Variants in FCHO2 observed in about 807,000 individuals in gnomAD.
The protein encoded by FCHO2 is FCH and mu domain containing endocytic adaptor 2.
Under a neutral mutation model 114.1 loss-of-function variants are expected in FCHO2, and 43 were observed. The observed-to-expected ratio is 0.38, with a 90% CI of 0.30 to 0.49. FCHO2 has a LOEUF of 0.49. FCHO2 is among the 20% of genes least tolerant of loss of function. The pLI is 0.97. For synonymous variants in FCHO2, 293 were observed against 315.2 expected, an observed-to-expected ratio of 0.93 and a Z score of 0.75; for missense variants, 807 against 950.4, an observed-to-expected ratio of 0.85 and a Z score of 1.98.
intron 8 of FCHO2, among the ~76,000 whole-genome samples, chr5:73,026,435 A>C (rs1380054074): frequency 6.6e-6 from 1 of 151,762 alleles, no homozygotes; most frequent in Non-Finnish European, 1.5e-5. Context: ...GCATCATTGC[A>C]CTCCAGCCTG....
rs1743426232 is a variant in FCHO2, at chr5:73,089,706, T to G, written c.*1616T>G. On this transcript the variant is annotated 3_prime_UTR_variant, in exon 26 of 26. Transcript: ENST00000430046. The stretch of plus-strand genomic sequence containing the variant: ...TAATTTATATAAAACCACTAATTGT[T>G]CCGTTAAGCTTCACAGAAAATAAAA... 1 of 152,544 alleles carries G rather than the reference T, an allele frequency of 6.6e-6. No individual in the cohort carries two copies. Among genetic ancestry groups the G allele is most frequent in the South Asian group, 2.1e-4 (1 of 4,832 alleles). 9.4% of individuals were successfully genotyped at this position (152,544 alleles called of 1,614,324 possible).
intron 24 of FCHO2, among the ~76,000 whole-genome samples, chr5:73,083,170 C>CA (rs1743181300): frequency 6.6e-6 from 1 of 152,096 alleles, no homozygotes; most frequent in African/African-American, 2.4e-5. Context: ...AGGCGTGAGC[C>CA]ACTGCGCCTG....
At chr5:72,962,927 G>A (rs1020839567) in intron 1 of FCHO2, among the ~76,000 whole-genome samples, 2 of 151,952 alleles carry the variant, frequency 1.3e-5, no homozygotes, top group Admixed American at 6.6e-5. Flanking sequence ...AAGAATTTTA[G>A]TAGCAATCTG....
At chr5:72,980,130 A>G (rs368288993) in intron 2 of FCHO2, among the ~76,000 whole-genome samples, 1 of 152,124 alleles carries the variant, frequency 6.6e-6, no homozygotes, top group African/African-American at 2.4e-5. Flanking sequence ...TGTCCCAGAG[A>G]TCCTGGTATG....
intron 6 of FCHO2, among the ~76,000 whole-genome samples, chr5:73,009,481 A>AT (rs895785611): frequency 4.6e-5 from 7 of 151,628 alleles, no homozygotes; most frequent in Non-Finnish European, 8.8e-5. Context: ...TCCTCATTAC[A>AT]TTTTTTTCCA....
chr5:73,032,175 C>T (rs191443839), intron 8 of FCHO2, among the ~76,000 whole-genome samples: 38 of 152,222 alleles, frequency 2.5e-4, no homozygotes, highest in East Asian at 5.8e-4. Flanking sequence ...CCATGTGAAG[C>T]GGCATGTGGA....
intron 11 of FCHO2, 39 bp downstream of exon 11, chr5:73,041,354 G>T (rs758459151): frequency 7.6e-7 from 1 of 1,312,818 alleles, no homozygotes; most frequent in East Asian, 2.4e-5. Flanking sequence ...ATTTAAATTA[G>T]TTATTTTCAT....
chr5:73,056,631 T>TA (rs1000712380), intron 16 of FCHO2, among the ~76,000 whole-genome samples: 12 of 152,150 alleles, frequency 7.9e-5, no homozygotes, highest in South Asian at 2.1e-4. Context: ...CCTTTTACAA[T>TA]AAAAAAAATC....
intron 18 of FCHO2, among the ~76,000 whole-genome samples, chr5:73,068,418 G>T (rs1742468773): frequency 6.6e-6 from 1 of 151,876 alleles, no homozygotes; most frequent in African/African-American, 2.4e-5. Context: ...TTTAAATACA[G>T]AAAAATTTTT....
chr5:72,987,820 G>A (rs1753616620), intron 2 of FCHO2, among the ~76,000 whole-genome samples: 1 of 152,190 alleles, frequency 6.6e-6, no homozygotes, highest in Non-Finnish European at 1.5e-5. Flanking sequence ...TCAGCGAGAG[G>A]CAGTTACTGT....
At chr5:73,052,275 G>A in intron 12 of FCHO2, 57 bp from the exon 13 acceptor site, 1 of 1,467,676 alleles carries the variant, frequency 6.8e-7, no homozygotes, top group Non-Finnish European at 9.2e-7. Flanking sequence ...ATAAATGTGT[G>A]AAAAACTGGT....
In FCHO2 at chr5:73,019,486, A is replaced by G. The variant is rs536778390; in HGVS notation, c.796+2178A>G. ...GAACCCAGAGGCGGAGGTTGCAGTG[A>G]GCCAAGATTGCGCCATTGCACTCCA... On this transcript the variant is annotated intron_variant, in intron 8 of 25. Transcript: ENST00000430046. 1.1e-4 allele frequency among the ~76,000 whole-genome samples: 17 copies of G among 152,310 alleles called. No individual in the cohort carries two copies. The East Asian group carries it at 3.3e-3, about 29-fold the overall frequency.
At chr5:72,986,068 A>G (rs1011934963) in intron 2 of FCHO2, among the ~76,000 whole-genome samples, 1 of 151,822 alleles carries the variant, frequency 6.6e-6, no homozygotes, top group African/African-American at 2.4e-5. Flanking sequence ...TGGATAAATT[A>G]TTCTCATCTA....
intron 20 of FCHO2, among the ~76,000 whole-genome samples, chr5:73,076,805 C>G (rs1461633364): frequency 6.6e-6 from 1 of 151,980 alleles, no homozygotes; most frequent in Non-Finnish European, 1.5e-5. Context: ...AGGAAAAGAC[C>G]AAAAGAAGAA....
chr5:72,959,218 C>A (rs192497436), intron 1 of FCHO2, among the ~76,000 whole-genome samples: 11 of 152,214 alleles, frequency 7.2e-5, no homozygotes, highest in Non-Finnish European at 1.6e-4. Flanking sequence ...TTATAGTTGT[C>A]ATTTTAGGCT....
At chr5:73,014,970 G>A (rs1755222937) in intron 6 of FCHO2, among the ~76,000 whole-genome samples, 1 of 151,280 alleles carries the variant, frequency 6.6e-6, no homozygotes, top group African/African-American at 2.4e-5. Context: ...AAGCTACTCG[G>A]GTGGCTGAAG....
chr5:73,078,404 G>GT (rs1427248257), intron 22 of FCHO2, 92 bp downstream of exon 22: 21 of 1,147,522 alleles, frequency 1.8e-5, no homozygotes, highest in African/African-American at 4.9e-5. Context: ...AGCCAAGTGA[G>GT]TTTTTTCCCA....
chr5:72,987,077 C>T (rs571981879), intron 2 of FCHO2, among the ~76,000 whole-genome samples: 36 of 151,882 alleles, frequency 2.4e-4, no homozygotes, highest in African/African-American at 7.7e-4. Context: ...GGGGTTTCAC[C>T]GTGTTAGCCA....
chr5:73,044,826 C>T (rs1011849474), intron 11 of FCHO2, among the ~76,000 whole-genome samples: 2 of 152,012 alleles, frequency 1.3e-5, no homozygotes, highest in East Asian at 3.9e-4. Flanking sequence ...TAAACAACTG[C>T]CTTTAAGATT....
Sources: gnomAD v4.1 joint callset for allele counts (sites outside exome capture counted in the v4.1 genomes callset) on GRCh38, gnomAD v4.1.1 for gene constraint, MANE v1.5 for transcripts, NCBI Gene and HGNC (gene_info 2026-07-23, HGNC 2026-07-21) for gene names.